The following CERS6 variants were observed in gnomAD, a reference collection of about 807,000 sequenced individuals.
CERS6 encodes ceramide synthase 6.
Under a neutral mutation model 56.8 loss-of-function variants are expected in CERS6, and 26 were observed. The observed-to-expected ratio is 0.46, with a 90% CI of 0.34 to 0.63. The LOEUF (loss-of-function observed/expected upper bound fraction) is 0.63. Among genes scored for constraint, CERS6 ranks in the 30% least tolerant of loss-of-function variants. The pLI is 0.01. For missense variants in CERS6, 415 were observed against 467.5 expected (o/e 0.89, Z 1.04); for synonymous variants, 164 against 173.3 (o/e 0.95, Z 0.42).
intron 3 of CERS6, among the ~76,000 whole-genome samples, chr2:168,609,973 TG>T (rs577707827): frequency 3.0e-5 from 3 of 100,620 alleles, no homozygotes; most frequent in Non-Finnish European, 4.0e-5. Context: ...AAGATGTGAC[TG>T]TTTTTTTTTT....
intron 1 of CERS6, among the ~76,000 whole-genome samples, chr2:168,486,583 A>G (rs930613184): frequency 2.7e-5 from 4 of 149,430 alleles, no homozygotes; most frequent in African/African-American, 9.8e-5. Context: ...TTGAAAAGAC[A>G]ATCGTTTTTC....
At chr2:168,710,820 T>G (rs1044069785) in intron 6 of CERS6, among the ~76,000 whole-genome samples, 20 of 152,218 alleles carry the variant, frequency 1.3e-4, no homozygotes, top group Non-Finnish European at 4.4e-5. Flanking sequence ...ACTCAGAGTA[T>G]GGTCATCATT....
chr2:168,517,690 C>T (rs1285318668), intron 1 of CERS6, among the ~76,000 whole-genome samples: 2 of 151,988 alleles, frequency 1.3e-5, no homozygotes, highest in African/African-American at 2.4e-5. Flanking sequence ...AAAAGAGACA[C>T]AGGCATCTTA....
At chr2:168,462,501 A>T (rs1180789807) in intron 1 of CERS6, among the ~76,000 whole-genome samples, 3 of 152,138 alleles carry the variant, frequency 2.0e-5, no homozygotes, top group Non-Finnish European at 4.4e-5. Flanking sequence ...CTTTATTGAC[A>T]TCTATACTGT....
At chr2:168,697,158 A>C (rs547224534) in intron 6 of CERS6, among the ~76,000 whole-genome samples, 9 of 152,264 alleles carry the variant, frequency 5.9e-5, no homozygotes, top group Admixed American at 2.6e-4. Flanking sequence ...GCAAAAAGCT[A>C]TCTTTTCTGA....
chr2:168,553,157 A>G (rs373654403), intron 2 of CERS6, among the ~76,000 whole-genome samples: 2 of 152,276 alleles, frequency 1.3e-5, no homozygotes, highest in African/African-American at 4.8e-5. Context: ...AACTCAGCAA[A>G]GAATATGGAA....
intron 1 of CERS6, among the ~76,000 whole-genome samples, chr2:168,512,258 G>A (rs1477769881): frequency 1.3e-5 from 2 of 152,092 alleles, no homozygotes; most frequent in Admixed American, 6.5e-5. Context: ...GGAGATGGAT[G>A]GTGGTGATGG....
chr2:168,615,436 A>G (rs185539112), intron 3 of CERS6, among the ~76,000 whole-genome samples: 1 of 152,186 alleles, frequency 6.6e-6, no homozygotes, highest in Admixed American at 6.6e-5. Flanking sequence ...CACCAGAGAA[A>G]GGTGAAGTCC....
intron 8 of CERS6, among the ~76,000 whole-genome samples, chr2:168,755,323 T>C (rs78655729): frequency 6.6e-6 from 1 of 152,216 alleles, no homozygotes; most frequent in African/African-American, 2.4e-5. Context: ...TTACTATGGC[T>C]CTAGCTCTCT....
chr2:168,547,564 A>T, intron 1 of CERS6, 32 bp from the exon 2 acceptor site: 1 of 1,351,130 alleles, frequency 7.4e-7, no homozygotes, highest in Non-Finnish European at 1.0e-6. Flanking sequence ...ATAAATTCTG[A>T]CCTTCTACTT....
intron 4 of CERS6, among the ~76,000 whole-genome samples, chr2:168,659,825 G>A (rs1209222659): frequency 2.6e-5 from 4 of 152,082 alleles, no homozygotes; most frequent in Non-Finnish European, 5.9e-5. Context: ...ATAAAATTAA[G>A]GCAATCACCC....
At chr2:168,607,382 T>G (rs1684077183) in intron 3 of CERS6, among the ~76,000 whole-genome samples, 1 of 152,140 alleles carries the variant, frequency 6.6e-6, no homozygotes, top group Admixed American at 6.5e-5. Flanking sequence ...ATATCTTTTT[T>G]TTGTTTGTTT....
chr2:168,479,195 TATTC>T (rs1457440320), intron 1 of CERS6, among the ~76,000 whole-genome samples: 1 of 152,190 alleles, frequency 6.6e-6, no homozygotes, highest in Non-Finnish European at 1.5e-5. Context: ...TACTAATTTC[TATTC>T]ATTTTTAGAG....
Position 168,762,629 on chromosome 2 carries a change from C to G in CERS6, c.846-2963C>G, listed in dbSNP as rs561390342. Among the ~76,000 whole-genome samples, 10 of 152,274 alleles carry G rather than the reference C, an allele frequency of 6.6e-5. No homozygotes were observed. In the East Asian group the frequency reaches 9.6e-4, roughly 15 times the overall value. Reference sequence around the variant, plus strand: ...GATTTCCTAATATTTTCCCCCTTCCCCAGAGTGAATACAACTATTTCATGA... The same window carrying G: ...GATTTCCTAATATTTTCCCCCTTCCGCAGAGTGAATACAACTATTTCATGA... On this transcript the variant is annotated intron_variant, in intron 8 of 9. Coordinates refer to ENST00000305747, the MANE Select transcript of CERS6 (RefSeq NM_203463.3).
intron 8 of CERS6, among the ~76,000 whole-genome samples, chr2:168,744,198 G>C (rs950640118): frequency 6.6e-6 from 1 of 151,356 alleles, no homozygotes; most frequent in African/African-American, 2.4e-5. Context: ...GTAGAGACGG[G>C]GTTTCACCGT....
chr2:168,617,164 T>G (rs1344388629), intron 3 of CERS6, among the ~76,000 whole-genome samples: 1 of 151,988 alleles, frequency 6.6e-6, no homozygotes, highest in Non-Finnish European at 1.5e-5. Context: ...AGACGGAAAT[T>G]TAAAAATTCT....
At chr2:168,766,394 C>G (rs1326244788) in intron 9 of CERS6, 70 of 1,526,638 alleles carry the variant, frequency 4.6e-5, no homozygotes, top group Non-Finnish European at 6.3e-5. Flanking sequence ...TGCCTCTTGC[C>G]TGTTGGAGGG....
chr2:168,549,424 C>G (rs2105373517), intron 2 of CERS6, among the ~76,000 whole-genome samples: 1 of 152,270 alleles, frequency 6.6e-6, no homozygotes, highest in East Asian at 1.9e-4. Flanking sequence ...ATCATGAGGT[C>G]AAGAGATCGA....
intron 5 of CERS6, among the ~76,000 whole-genome samples, chr2:168,691,804 T>G (rs147092550): frequency 2.6e-5 from 4 of 152,170 alleles, no homozygotes; most frequent in Non-Finnish European, 5.9e-5. Flanking sequence ...CCATGTTCAG[T>G]TGGGATATAT....
Sources: gnomAD v4.1 joint callset for allele counts (sites outside exome capture counted in the v4.1 genomes callset) on GRCh38, gnomAD v4.1.1 for gene constraint, MANE v1.5 for transcripts, NCBI Gene and HGNC (gene_info 2026-07-23, HGNC 2026-07-21) for gene names.